PML: variants seen among roughly 807,000 people sequenced by gnomAD.
The protein encoded by PML is PML nuclear body scaffold, also known as protein PML.
Under a neutral mutation model 65.2 loss-of-function variants are expected in PML, and 28 were observed. The observed-to-expected ratio is 0.43, with a 90% CI of 0.32 to 0.59. The LOEUF (loss-of-function observed/expected upper bound fraction) is 0.59. PML is among the 20% of genes least tolerant of loss of function. The pLI is 0.08. For missense variants in PML, 1,021 were observed against 1,203.4 expected (o/e 0.85, Z 2.24); for synonymous variants, 500 against 508.8 (o/e 0.98, Z 0.23).
chr15:73,995,964 G>T (rs1346566150), intron 1 of PML, among the ~76,000 whole-genome samples: 1 of 152,170 alleles, frequency 6.6e-6, no homozygotes, highest in Non-Finnish European at 1.5e-5. Flanking sequence ...ATGTTGGCCA[G>T]ATTGGTCTCT....
At chr15:74,038,836 T>C (rs1257740243) in intron 7 of PML, among the ~76,000 whole-genome samples, 2 of 152,206 alleles carry the variant, frequency 1.3e-5, no homozygotes, top group African/African-American at 4.8e-5. Context: ...GAGCTTCACC[T>C]GTGTCCTAGG....
Position 74,023,001 on chromosome 15 carries a change from C to T in PML, c.776C>T (p.Ala259Val), listed in dbSNP as rs1438297871. 1.9e-6 allele frequency: 3 copies of T among 1,608,758 alleles called. No homozygotes were observed. In the African/African-American group the frequency reaches 4.0e-5, roughly 21 times the overall value. ...GATAGTGCCTTTGGCGCGGTTCACG[C>T]GCAGATGCACGCGGCCGTCGGCCAG... ...EQDSAFGAVHAQMHAAVGQLG... is the reference protein window; with the variant it reads ...EQDSAFGAVHVQMHAAVGQLG... Residue 259 changes from alanine to valine, a missense_variant, in exon 3 of 9, where the codon GCG (alanine) becomes GTG (valine). Physicochemically the swap from Ala to Val is moderately conservative, Grantham distance 64 (BLOSUM62 0). Coordinates refer to ENST00000268058, the MANE Select transcript of PML (RefSeq NM_033238.3).
intron 2 of PML, among the ~76,000 whole-genome samples, chr15:74,010,914 C>T (rs1285768336): frequency 6.6e-6 from 1 of 152,164 alleles, no homozygotes; most frequent in Admixed American, 6.5e-5. Flanking sequence ...GTTTATTTGT[C>T]TCTATAAGTT....
At chr15:74,023,689 T>C (rs940027717) in intron 3 of PML, among the ~76,000 whole-genome samples, 14 of 152,264 alleles carry the variant, frequency 9.2e-5, no homozygotes, top group Middle Eastern at 6.8e-3. Context: ...GTTGAAAAAC[T>C]GCAAAGCTGA....
At chr15:74,007,930 A>G (rs553142193) in intron 2 of PML, among the ~76,000 whole-genome samples, 2 of 152,250 alleles carry the variant, frequency 1.3e-5, no homozygotes, top group East Asian at 3.9e-4. Flanking sequence ...CTGCGTTTTG[A>G]TAGTTACCTT....
At chr15:74,011,660 A>G (rs930473028) in intron 2 of PML, among the ~76,000 whole-genome samples, 8 of 152,280 alleles carry the variant, frequency 5.3e-5, no homozygotes, top group East Asian at 3.9e-4. Flanking sequence ...GCTGCATGCA[A>G]CCTTTCCTGT....
intron 2 of PML, among the ~76,000 whole-genome samples, chr15:74,009,107 T>G (rs1223112276): frequency 6.6e-6 from 1 of 152,076 alleles, no homozygotes; most frequent in Non-Finnish European, 1.5e-5. Context: ...TGACCAGACA[T>G]TCTCAGGAGT....
rs1014389886 is a variant in PML, at chr15:74,043,584, C to T, written c.1861+445C>T. On this transcript the variant is annotated intron_variant, in intron 8 of 8. Transcript: ENST00000268058. This position sits in a 1 kb window ranked among gnomAD's most constrained non-coding sequence, Gnocchi z 4.3. ...ATCCAAGGTCACAGAGGGATCAGAC[C>T]CCTTATCCTGGAAGCCCCTCTACTT... Among the ~76,000 whole-genome samples the T allele has an allele frequency of 6.6e-6, 1 of 152,232 alleles. No individual in the cohort carries two copies. The highest frequency in any genetic ancestry group is 1.5e-5 in the Non-Finnish European group (1 of 68,044).
chr15:74,006,390 C>CAAAAA (rs372202858), intron 2 of PML, among the ~76,000 whole-genome samples: 80 of 86,932 alleles, frequency 9.2e-4, no homozygotes, highest in Admixed American at 1.5e-3. Context: ...GACTCCGTCT[C>CAAAAA]AAAAAAAAAA....
chr15:74,044,889 C>G lies in PML; in HGVS notation c.2530C>G (p.Gln844Glu), dbSNP rs2071755753. 3 of 1,613,594 alleles carry G rather than the reference C, an allele frequency of 1.9e-6. No homozygotes were observed. Among genetic ancestry groups the G allele is most frequent in the Non-Finnish European group, 2.5e-6 (3 of 1,180,020 alleles). Residue 844 changes from glutamine to glutamate, a missense_variant, in exon 9 of 9, where the codon CAG becomes GAG. By Grantham distance (29) the Gln-to-Glu change is conservative. Coordinates refer to ENST00000268058, the MANE Select transcript of PML (RefSeq NM_033238.3). ...CCCTGCCCAGCCTGCTTTCAACCTG[C>G]AGGCTCTGGGCACCTACTTTGAAGG... ...LPPAQPAFNL[Q>E]ALGTYFEGLL...
chr15:74,041,848 C>T (rs1025234725), intron 7 of PML, among the ~76,000 whole-genome samples: 1 of 152,250 alleles, frequency 6.6e-6, no homozygotes, highest in African/African-American at 2.4e-5. Context: ...GTGACACCAA[C>T]TTCATTGAGA....
At chr15:74,041,947 C>T (rs536072190) in intron 7 of PML, among the ~76,000 whole-genome samples, 1 of 152,330 alleles carries the variant, frequency 6.6e-6, no homozygotes, top group East Asian at 1.9e-4. Context: ...GTGATCCTGT[C>T]CATGTCTCTT....
intron 1 of PML, among the ~76,000 whole-genome samples, chr15:73,997,151 C>T (rs578234791): frequency 9.1e-4 from 138 of 152,302 alleles, no homozygotes; most frequent in African/African-American, 3.0e-3. Flanking sequence ...ACCAACCAGA[C>T]GTACTTTCAA....
chr15:74,003,910 T>G (rs1386762174), intron 2 of PML, among the ~76,000 whole-genome samples: 1 of 152,198 alleles, frequency 6.6e-6, no homozygotes, highest in African/African-American at 2.4e-5. Flanking sequence ...TGTATGTCCT[T>G]CTTTTGCTGT....
rs1219044026 is a variant in PML, at chr15:73,998,225, GGT to G, written c.354_355del (p.Tyr119ProfsTer23). 6.2e-7 allele frequency: 1 copy of G among 1,614,076 alleles called. No individual in the cohort carries two copies. Among genetic ancestry groups the G allele is most frequent in the African/African-American group, 1.3e-5 (1 of 74,924 alleles). On this transcript the variant is annotated frameshift_variant, in exon 2 of 9. Transcript: ENST00000268058. LOFTEE classifies it high-confidence loss of function. ...TCGAGAGTCTGCAGCGGCGCCTGTC[GGT>G]GTACCGGCAGATTGTGGATGCGCAG... ...FFESLQRRLS[V>X]YRQIVDAQAV...
chr15:74,044,439 A>G lies in PML; in HGVS notation c.2080A>G (p.Ile694Val). The change falls in exon 9 of 9, where the codon ATT (isoleucine) becomes GTT (valine). Residue 694 changes from isoleucine (I) to valine (V), a missense_variant. Transcript: ENST00000268058. ...AAACTTCTTCCGGGCCCTGGAGGAC[A>G]TTAACAGGCTGTGGGAATTCCAGGA... ...LPNFFRALED[I>V]NRLWEFQEAI... is the part of the protein sequence containing the mutation. 6.2e-7 allele frequency: 1 copy of G among 1,614,174 alleles called. No individual in the cohort carries two copies. The highest frequency in any genetic ancestry group is 1.3e-5 in the African/African-American group (1 of 75,068).
chr15:74,036,541 A>G, intron 7 of PML: 25 of 927,086 alleles, frequency 2.7e-5, no homozygotes, highest in Non-Finnish European at 3.5e-5. Flanking sequence ...TGGGCATCAG[A>G]GGTGGGAGGT....
intron 5 of PML, 41 bp from the exon 6 acceptor site, chr15:74,033,115 C>G: frequency 3.1e-6 from 5 of 1,612,502 alleles, no homozygotes; most frequent in Non-Finnish European, 4.2e-6. Context: ...CCACTCACCC[C>G]TGCAGGCACC....
intron 1 of PML, 50 bp from the exon 2 acceptor site, chr15:73,997,954 G>A (rs2069583331): frequency 3.3e-6 from 5 of 1,533,016 alleles, no homozygotes; most frequent in Non-Finnish European, 3.6e-6. Context: ...GCCGGTAGGT[G>A]GGGGCTTTTG....
Sources: allele counts gnomAD v4.1 joint callset (sites outside exome capture counted in the v4.1 genomes callset), GRCh38; gene constraint gnomAD v4.1.1; non-coding constraint Gnocchi (gnomAD v3.1); transcripts MANE v1.5; gene names NCBI Gene and HGNC (gene_info 2026-07-23, HGNC 2026-07-21).